Variants in NUP98 observed in about 807,000 individuals in gnomAD.
NUP98 encodes the protein nuclear pore complex protein Nup98-Nup96.
NUP98 carries 26 observed loss-of-function variants against 191.9 expected under a neutral mutation model. That is an observed-to-expected ratio of 0.14 (90% confidence interval 0.10 to 0.19). The LOEUF is 0.19. Ranked by LOEUF, NUP98 falls within the 10% of genes least tolerant of loss-of-function variation. The pLI is 1.00. For missense variants in NUP98, 1,941 were observed against 2,178.8 expected, an observed-to-expected ratio of 0.89 and a Z score of 2.17; for synonymous variants, 808 against 778.4, an observed-to-expected ratio of 1.04 and a Z score of -0.63.
chr11:3,740,868 G>A (rs1687685637), intron 12 of NUP98, among the ~76,000 whole-genome samples: 1 of 151,442 alleles, frequency 6.6e-6, no homozygotes, highest in South Asian at 2.1e-4. Flanking sequence ...GCCCAGGCTG[G>A]AGTGTAGCGG....
At chr11:3,706,021 C>T (rs1052432406) in intron 21 of NUP98, among the ~76,000 whole-genome samples, 2 of 148,772 alleles carry the variant, frequency 1.3e-5, no homozygotes, top group African/African-American at 5.0e-5. Flanking sequence ...AAAAAAGTAG[C>T]CAGGTGTGGT....
chr11:3,742,722 T>A lies in NUP98; in HGVS notation c.1408+1787A>T, dbSNP rs1344816332. Reference sequence around the variant, plus strand: ...TCCAAAAAAAAAAAAAAAAAAAAGATGAGAAAAGAAATAAGGGTAATAAAA... The same window carrying A: ...TCCAAAAAAAAAAAAAAAAAAAAGAAGAGAAAAGAAATAAGGGTAATAAAA... On this transcript the variant is annotated intron_variant, in intron 12 of 32. Coordinates refer to ENST00000324932, the MANE Select transcript of NUP98 (RefSeq NM_016320.5). Among the ~76,000 whole-genome samples, 1,192 of 135,530 alleles carry A rather than the reference T, an allele frequency of 8.8e-3. 19 individuals carry two copies. The highest frequency in any genetic ancestry group is 0.03 in the African/African-American group (1,103 of 36,464). The allele number at this position is 135,530 out of a possible 152,430, so 88.9% of individuals were successfully genotyped here.
rs1332210725 is a variant in NUP98 at position 3,797,394 on chromosome 11, A to T, written c.-29+6T>A. On this transcript the variant is annotated splice_donor_region_variant and intron_variant, in intron 1 of 32. Coordinates refer to ENST00000324932, the MANE Select transcript of NUP98 (RefSeq NM_016320.5). ...TCGGCCGCTGCAGCTCGGGCTCCCG[A>T]CTTACCGCGGTTCGGTGGGGAAGGG... 1 of 402,916 alleles carries T rather than the reference A, an allele frequency of 2.5e-6. No individual in the cohort carries two copies. The highest frequency in any genetic ancestry group is 2.1e-5 in the African/African-American group (1 of 48,602). 25.0% of individuals were successfully genotyped at this position (402,916 alleles called of 1,614,324 possible).
intron 14 of NUP98, among the ~76,000 whole-genome samples, chr11:3,729,513 C>T (rs1329735539): frequency 1.1e-4 from 15 of 136,098 alleles, no homozygotes; most frequent in African/African-American, 3.9e-4. Context: ...TCGAGACCAC[C>T]GTGGGCAACA....
intron 1 of NUP98, 62 bp from the exon 2 acceptor site, chr11:3,782,207 G>GA: frequency 2.2e-6 from 2 of 906,322 alleles, no homozygotes; most frequent in Non-Finnish European, 3.4e-6. Flanking sequence ...AATTGTTTTA[G>GA]AAAATCTATC....
chr11:3,762,889 T>C lies in NUP98; in HGVS notation c.1086+13A>G. The C allele has an allele frequency of 1.2e-6, 2 of 1,610,984 alleles. No individual in the cohort carries two copies. The highest frequency in any genetic ancestry group is 1.7e-6 in the Non-Finnish European group (2 of 1,179,174). ...CACACATCTTCAAATTACAGTCAAC[T>C]GCAGAAACCTACCGAACCAACAGCA... On this transcript the variant is annotated intron_variant, in intron 9 of 32. Coordinates refer to ENST00000324932, the MANE Select transcript of NUP98 (RefSeq NM_016320.5).
At chr11:3,702,388 G>T in intron 23 of NUP98, 75 bp downstream of exon 23, 1 of 885,950 alleles carries the variant, frequency 1.1e-6, no homozygotes, top group Admixed American at 2.2e-5. Flanking sequence ...GACAAAGCAG[G>T]GCCCTATCCT....
chr11:3,794,330 CT>C (rs2082456321), intron 1 of NUP98, among the ~76,000 whole-genome samples: 1 of 151,966 alleles, frequency 6.6e-6, no homozygotes, highest in Non-Finnish European at 1.5e-5. Context: ...TGTTTCTTTT[CT>C]TTTTTTCTTG....
At chr11:3,702,411 T>C (rs1446233223) in intron 23 of NUP98, 52 bp downstream of exon 23, 2 of 1,524,088 alleles carry the variant, frequency 1.3e-6, no homozygotes, top group African/African-American at 1.4e-5. Flanking sequence ...TGATTAGTTT[T>C]TTTCACCTAT....
intron 8 of NUP98, among the ~76,000 whole-genome samples, chr11:3,763,340 G>T (rs912161010): frequency 6.6e-6 from 1 of 152,022 alleles, no homozygotes; most frequent in African/African-American, 2.4e-5. Flanking sequence ...GGTCTTAGGC[G>T]TCTATTAAAT....
chr11:3,771,558 T>C (rs927801848), intron 7 of NUP98, among the ~76,000 whole-genome samples, 190 bp downstream of exon 7: 2 of 152,188 alleles, frequency 1.3e-5, no homozygotes, highest in African/African-American at 4.8e-5. Context: ...TCTGAAGCAT[T>C]CCTTAGTCGT....
At chr11:3,724,720 G>A (rs1192771342) in intron 15 of NUP98, among the ~76,000 whole-genome samples, 4 of 142,564 alleles carry the variant, frequency 2.8e-5, no homozygotes, top group Non-Finnish European at 6.0e-5. Flanking sequence ...TTGAGCATGG[G>A]AGGCGATCTT....
At chr11:3,710,180 C>CCCTG (rs984680099) in intron 20 of NUP98, among the ~76,000 whole-genome samples, 2 of 152,076 alleles carry the variant, frequency 1.3e-5, no homozygotes, top group Non-Finnish European at 2.9e-5. Flanking sequence ...GTCAAGCTTA[C>CCCTG]CAGGGCATTG....
At position 3,773,618 on chromosome 11, in the gene NUP98, T is replaced by G. The variant is rs2081606053; in HGVS notation, c.603+14A>C. 5 of 1,445,400 alleles carry G rather than the reference T, an allele frequency of 3.5e-6. No individual in the cohort carries two copies. Among genetic ancestry groups the G allele is most frequent in the African/African-American group, 1.4e-5 (1 of 70,970 alleles). 89.5% of individuals were successfully genotyped at this position (1,445,400 alleles called of 1,614,324 possible). A position where few individuals can be genotyped will look rare whatever the true frequency, so the allele number is the denominator to read the frequency against. On this transcript the variant is annotated intron_variant, in intron 6 of 32. Coordinates refer to ENST00000324932, the MANE Select transcript of NUP98 (RefSeq NM_016320.5). ...AAAAGGTTAGACTGACATTCTGTATTGTATTTTACTGACCTCTAGTGACTT... is the reference window on the plus strand; with the variant it reads ...AAAAGGTTAGACTGACATTCTGTATGGTATTTTACTGACCTCTAGTGACTT...
At chr11:3,681,021 T>C (rs1324176248) in intron 30 of NUP98, among the ~76,000 whole-genome samples, 1 of 152,074 alleles carries the variant, frequency 6.6e-6, no homozygotes, top group Non-Finnish European at 1.5e-5. Context: ...ACACCATGCC[T>C]GGCCAATCAC....
intron 23 of NUP98, among the ~76,000 whole-genome samples, chr11:3,701,818 TG>T (rs936141505): frequency 3.3e-5 from 5 of 151,812 alleles, no homozygotes; most frequent in African/African-American, 7.3e-5. Flanking sequence ...CCTGACTAGC[TG>T]GGTCTACAGG....
intron 1 of NUP98, among the ~76,000 whole-genome samples, chr11:3,788,188 A>T (rs1161819698): frequency 6.6e-6 from 1 of 152,222 alleles, no homozygotes; most frequent in Non-Finnish European, 1.5e-5. Flanking sequence ...AATAGTCCAT[A>T]GCATCTTACA....
At chr11:3,774,946 G>A (rs1318892286) in intron 5 of NUP98, among the ~76,000 whole-genome samples, 2 of 152,148 alleles carry the variant, frequency 1.3e-5, no homozygotes, top group Non-Finnish European at 2.9e-5. Flanking sequence ...ATTTTCTGGA[G>A]TATATTTTAA....
Position 3,699,757 on chromosome 11 carries a change from A to G in NUP98, c.3743-409T>C, listed in dbSNP as rs758399740. Among the ~76,000 whole-genome samples the G allele has an allele frequency of 1.3e-3, 193 of 152,362 alleles. 1 individual carries two copies. The highest frequency in any genetic ancestry group is 1.5e-3 in the Non-Finnish European group (102 of 68,038). ...AATAACTTACACATTTGAAAAGACA[A>G]TGAGACGATTAAGTAAATACAAAGA... On this transcript the variant is annotated intron_variant, in intron 24 of 32. Transcript: ENST00000324932.
Sources: gnomAD v4.1 joint callset for allele counts (sites outside exome capture counted in the v4.1 genomes callset) on GRCh38, gnomAD v4.1.1 for gene constraint, MANE v1.5 for transcripts, NCBI Gene and HGNC (gene_info 2026-07-23, HGNC 2026-07-21) for gene names.